UGT1A6: variants seen among roughly 807,000 people sequenced by gnomAD.
UGT1A6 encodes UDP-glucuronosyltransferase 1A6.
UGT1A6 carries 32 observed loss-of-function variants against 44.4 expected under a neutral mutation model. The observed-to-expected ratio is 0.72, with a 90% CI of 0.54 to 0.97. UGT1A6 has a LOEUF of 0.97. UGT1A6 is among the 50% of genes least tolerant of loss of function. The probability of loss-of-function intolerance (pLI) is 0.00; values close to 1 mark genes in which losing one functional copy is unlikely to be tolerated. For missense variants in UGT1A6, 685 were observed against 661.9 expected, an observed-to-expected ratio of 1.03 and a Z score of -0.38; for synonymous variants, 238 against 248.5, an observed-to-expected ratio of 0.96 and a Z score of 0.40.
rs117456176 is a variant in UGT1A6 at position 233,727,764 on chromosome 2, G to C, written c.861+33899G>C. On this transcript the variant is annotated intron_variant, in intron 1 of 4. Transcript: ENST00000305139. Reference sequence around the variant, plus strand: ...CCTGCGTGTGCTGCCCTTGAGCTGGGTGTCCCCCAGTAGACGCTTCCATTC... The same window carrying C: ...CCTGCGTGTGCTGCCCTTGAGCTGGCTGTCCCCCAGTAGACGCTTCCATTC... 6.8e-4 allele frequency among the ~76,000 whole-genome samples: 104 copies of C among 152,302 alleles called. No individual in the cohort carries two copies. The East Asian group carries it at 0.02, about 29-fold the overall frequency.
At chr2:233,734,121 T>A (rs76091685) in intron 1 of UGT1A6, among the ~76,000 whole-genome samples, 3,256 of 151,966 alleles carry the variant, frequency 0.021, 102 homozygotes, top group African/African-American at 0.073. Context: ...ATAATAATAA[T>A]AAAAAGAATT....
intron 1 of UGT1A6, among the ~76,000 whole-genome samples, chr2:233,706,103 A>C (rs564369770): frequency 1.5e-4 from 23 of 152,178 alleles, no homozygotes; most frequent in South Asian, 4.2e-4. Context: ...TTAAAAAAAA[A>C]CCAAGAATTT....
rs527779009 is a variant in UGT1A6 at position 233,754,984 on chromosome 2, G to T, written c.862-12050G>T. The T allele has an allele frequency of 3.9e-6, 5 of 1,295,396 alleles. No individual in the cohort carries two copies. In the African/African-American group the frequency reaches 6.0e-5, roughly 16 times the overall value. 80.2% of individuals were successfully genotyped at this position (1,295,396 alleles called of 1,614,324 possible). A position where few individuals can be genotyped will look rare whatever the true frequency, so the allele number is the denominator to read the frequency against. The stretch of plus-strand genomic sequence containing the variant: ...AAGAACTCCCTGAAGACCTCGGCGG[G>T]GTCACGGAAGCTGAAGACCTACTCG... On this transcript the variant is annotated intron_variant, in intron 1 of 4. Transcript: ENST00000305139.
At chr2:233,766,252 CGCT>C (rs1699078846) in intron 1 of UGT1A6, among the ~76,000 whole-genome samples, 1 of 151,626 alleles carries the variant, frequency 6.6e-6, no homozygotes, top group Non-Finnish European at 1.5e-5. Flanking sequence ...GGAGTCAGAC[CGCT>C]CAGTGGCCCG....
At chr2:233,758,140 G>C (rs572849917) in intron 1 of UGT1A6, among the ~76,000 whole-genome samples, 1 of 152,156 alleles carries the variant, frequency 6.6e-6, no homozygotes, top group African/African-American at 2.4e-5. Context: ...GGCAGATGAG[G>C]GAATTAGCAA....
chr2:233,734,383 T>C (rs1334676170), intron 1 of UGT1A6, among the ~76,000 whole-genome samples: 1 of 152,214 alleles, frequency 6.6e-6, no homozygotes, highest in African/African-American at 2.4e-5. Context: ...GCCTTTACTA[T>C]TTTTTATTGC....
chr2:233,747,098 T>C (rs1559391803), intron 1 of UGT1A6: 2 of 1,324,344 alleles, frequency 1.5e-6, no homozygotes, highest in Non-Finnish European at 2.1e-6. Flanking sequence ...CACTCTATCT[T>C]CCAATTACAT....
intron 1 of UGT1A6, among the ~76,000 whole-genome samples, chr2:233,714,159 T>G (rs1363144328): frequency 6.6e-6 from 1 of 152,178 alleles, no homozygotes; most frequent in Non-Finnish European, 1.5e-5. Flanking sequence ...TGGCTGTGGA[T>G]GTGCTTCAGC....
intron 1 of UGT1A6, among the ~76,000 whole-genome samples, chr2:233,714,574 C>A (rs1193502445): frequency 2.0e-5 from 3 of 152,204 alleles, no homozygotes; most frequent in Non-Finnish European, 2.9e-5. Flanking sequence ...AAACCACATA[C>A]ATAATTTAAA....
At chr2:233,699,723 C>T (rs894867512) in intron 1 of UGT1A6, among the ~76,000 whole-genome samples, 5 of 152,172 alleles carry the variant, frequency 3.3e-5, no homozygotes, top group East Asian at 1.9e-4. Flanking sequence ...GCATTTTTTA[C>T]GGAGCGTTTT....
At chr2:233,733,206 G>C (rs1439179922) in intron 1 of UGT1A6, among the ~76,000 whole-genome samples, 1 of 152,146 alleles carries the variant, frequency 6.6e-6, no homozygotes, top group Non-Finnish European at 1.5e-5. Context: ...AGGAGACTTT[G>C]GGCTGAGACA....
chr2:233,768,590 T>G (rs1322508849), intron 4 of UGT1A6, 151 bp downstream of exon 4: 2 of 1,068,204 alleles, frequency 1.9e-6, no homozygotes, highest in Non-Finnish European at 2.4e-6. Flanking sequence ...TTCTTTTTTT[T>G]TTTTTTTTTT....
rs201093245 is a variant in UGT1A6, at chr2:233,760,862, A to G, written c.862-6172A>G. ...ACCCAGTGCCCCAACCCATTCTCCT[A>G]CGTGCCCAGGCCTCTCTCCTCTCAT... is the stretch of plus-strand genomic sequence containing the variant. On this transcript the variant is annotated intron_variant, in intron 1 of 4. Transcript: ENST00000305139. 6.2e-7 allele frequency: 1 copy of G among 1,614,000 alleles called. No homozygotes were observed. The highest frequency in any genetic ancestry group is 1.7e-5 in the Admixed American group (1 of 60,012).
At chr2:233,745,790 T>G (rs1693218354) in intron 1 of UGT1A6, among the ~76,000 whole-genome samples, 2 of 150,238 alleles carry the variant, frequency 1.3e-5, no homozygotes, top group African/African-American at 2.5e-5. Flanking sequence ...ACAGGGGGGC[T>G]GGGGTCTATC....
chr2:233,729,091 G>C (rs745755811), intron 1 of UGT1A6: 70 of 1,612,484 alleles, frequency 4.3e-5, no homozygotes, highest in Non-Finnish European at 5.1e-5. Flanking sequence ...GGCACAGCGT[G>C]GGGTGGACAG....
At position 233,693,254 on chromosome 2, in the gene UGT1A6, C is replaced by G; in HGVS notation, c.250C>G (p.Gln84Glu). 1 of 1,614,058 alleles carries G rather than the reference C, an allele frequency of 6.2e-7. No individual in the cohort carries two copies. The highest frequency in any genetic ancestry group is 8.5e-7 in the Non-Finnish European group (1 of 1,180,000). Residue 84 changes from glutamine (Q) to glutamate (E), a missense_variant, in exon 1 of 5, where the codon CAA becomes GAA. Physicochemically the swap from Gln to Glu is conservative, Grantham distance 29 (BLOSUM62 2). Coordinates refer to ENST00000305139, the MANE Select transcript of UGT1A6 (RefSeq NM_001072.4). ...TRKIYPVPYD[Q>E]EELKNRYQSF... Reference sequence around the variant, plus strand: ...AAAAATCTATCCAGTGCCGTATGACCAAGAAGAGCTGAAGAACCGTTACCA... The same window carrying G: ...AAAAATCTATCCAGTGCCGTATGACGAAGAAGAGCTGAAGAACCGTTACCA...
At chr2:233,761,893 A>G (rs1304507847) in intron 1 of UGT1A6, among the ~76,000 whole-genome samples, 1 of 152,212 alleles carries the variant, frequency 6.6e-6, no homozygotes, top group African/African-American at 2.4e-5. Context: ...CTTATCCTGC[A>G]AAGATTGGCT....
At chr2:233,739,348 G>A (rs1455435875) in intron 1 of UGT1A6, among the ~76,000 whole-genome samples, 7 of 152,152 alleles carry the variant, frequency 4.6e-5, no homozygotes, top group Admixed American at 4.6e-4. Context: ...GAACCCAGAA[G>A]GGCAGATCCA....
At chr2:233,744,789 C>A (rs957843917) in intron 1 of UGT1A6, among the ~76,000 whole-genome samples, 10 of 151,986 alleles carry the variant, frequency 6.6e-5, no homozygotes, top group Admixed American at 2.6e-4. Flanking sequence ...CTGAAAAATT[C>A]TTGGGGATCC....
Sources: allele counts gnomAD v4.1 joint callset (sites outside exome capture counted in the v4.1 genomes callset), GRCh38; gene constraint gnomAD v4.1.1; transcripts MANE v1.5; gene names NCBI Gene and HGNC (gene_info 2026-07-23, HGNC 2026-07-21).